The following PSMC1 variants were observed in gnomAD, a reference collection of about 807,000 sequenced individuals.
The protein encoded by PSMC1 is 26S proteasome regulatory subunit 4.
A neutral mutation model predicts 49.8 loss-of-function variants in PSMC1; 5 were observed. That is an observed-to-expected ratio of 0.10 (90% CI 0.05 to 0.21). The LOEUF is 0.21. Ranked by LOEUF, PSMC1 falls within the 10% of genes least tolerant of loss-of-function variation. PSMC1 has a pLI of 1.00. For missense variants in PSMC1, 181 were observed against 535.7 expected (o/e 0.34, Z 6.54); for synonymous variants, 155 against 192.1 (o/e 0.81, Z 1.60).
At position 90,273,199 on chromosome 14, in the gene PSMC1, C is replaced by T. The variant is rs998215554; in HGVS notation, c.*792C>T. On this transcript the variant is annotated 3_prime_UTR_variant, in exon 11 of 11. Transcript: ENST00000261303. Reference sequence around the variant, plus strand: ...CCTGGTGTGGGTTGTAGGGCCCACACTGAATGAGGAGTGTGTATTAGTTTT... The same window carrying T: ...CCTGGTGTGGGTTGTAGGGCCCACATTGAATGAGGAGTGTGTATTAGTTTT... 6.6e-6 allele frequency: 1 copy of T among 152,106 alleles called. No individual in the cohort carries two copies. Among genetic ancestry groups the T allele is most frequent in the Admixed American group, 6.5e-5 (1 of 15,274 alleles). The allele number at this position is 152,106 out of a possible 1,614,324, so 9.4% of individuals were successfully genotyped here.
chr14:90,269,072 C>T, intron 8 of PSMC1: 1 of 202,990 alleles, frequency 4.9e-6, no homozygotes, highest in Non-Finnish European at 9.9e-6. Context: ...ATAAGGAATA[C>T]ATGCTGTATA....
At chr14:90,270,521 G>A in intron 10 of PSMC1, 169 bp downstream of exon 10, 1 of 736,376 alleles carries the variant, frequency 1.4e-6, no homozygotes, top group Non-Finnish European at 2.0e-6. Context: ...TGATATTGAA[G>A]TCATTCTTAA....
At chr14:90,269,586 G>A (rs1891607568) in intron 9 of PSMC1, 38 bp downstream of exon 9, 1 of 1,596,174 alleles carries the variant, frequency 6.3e-7, no homozygotes, top group Non-Finnish European at 8.6e-7. Flanking sequence ...AGATTAATGT[G>A]TTTATATATT....
At chr14:90,261,900 C>A (rs1402828905) in intron 3 of PSMC1, among the ~76,000 whole-genome samples, 1 of 151,654 alleles carries the variant, frequency 6.6e-6, no homozygotes, top group African/African-American at 2.4e-5. Context: ...TTGGAACCAA[C>A]CCAAATGTCC....
chr14:90,261,850 C>T (rs1371648924), intron 3 of PSMC1, among the ~76,000 whole-genome samples: 1 of 149,578 alleles, frequency 6.7e-6, no homozygotes, highest in Non-Finnish European at 1.5e-5. Context: ...GACCCATGCA[C>T]ATGTATGTTT....
At chr14:90,260,339 A>G in intron 3 of PSMC1, 128 bp downstream of exon 3, 1 of 659,404 alleles carries the variant, frequency 1.5e-6, no homozygotes, top group Admixed American at 2.7e-5. Flanking sequence ...TTTGTGATTC[A>G]TTTCTACCTC....
chr14:90,266,265 CA>C (rs35743896), intron 7 of PSMC1, among the ~76,000 whole-genome samples: 11 of 148,038 alleles, frequency 7.4e-5, no homozygotes, highest in Middle Eastern at 3.4e-3. Flanking sequence ...AAAAAAAAAA[CA>C]AAAAAAACCC....
intron 10 of PSMC1, chr14:90,271,045 T>C (rs985829286): frequency 1.4e-4 from 14 of 100,180 alleles, no homozygotes; most frequent in African/African-American, 3.5e-4. Flanking sequence ...TTTTTAAAAA[T>C]TGAAAGATCT....
Position 90,273,777 on chromosome 14 carries a change from G to C in PSMC1, c.*1370G>C, listed in dbSNP as rs972012817. On this transcript the variant is annotated 3_prime_UTR_variant, in exon 11 of 11. Transcript: ENST00000261303. ...TGAGGTCAGCATTTCCTTGCTGGCT[G>C]CCAGCTGAGGCCTTTGCCAGTCTGT... 1 of 154,742 alleles carries C rather than the reference G, an allele frequency of 6.5e-6. No individual in the cohort carries two copies. Among genetic ancestry groups the C allele is most frequent in the Non-Finnish European group, 1.5e-5 (1 of 68,232 alleles). The allele number at this position is 154,742 out of a possible 1,614,324, so 9.6% of individuals were successfully genotyped here. A position where few individuals can be genotyped will look rare whatever the true frequency, so the allele number is the denominator to read the frequency against.
chr14:90,257,307 G>A (rs1157277011), intron 1 of PSMC1, among the ~76,000 whole-genome samples: 1 of 152,140 alleles, frequency 6.6e-6, no homozygotes, highest in African/African-American at 2.4e-5. Flanking sequence ...AGAGCAGAAG[G>A]CAGACAATCA....
rs972588426 is a variant in PSMC1 at position 90,272,544 on chromosome 14, C to T, written c.*137C>T. On this transcript the variant is annotated 3_prime_UTR_variant, in exon 11 of 11. Transcript: ENST00000261303. This position sits in a 1 kb window ranked among gnomAD's most constrained non-coding sequence, Gnocchi z 4.5. Reference sequence around the variant, plus strand: ...AAAACATCCTGTGTCTTTTGGAGTACGATGTGTAAGTGCCCATTGGGTGGC... The same window carrying T: ...AAAACATCCTGTGTCTTTTGGAGTATGATGTGTAAGTGCCCATTGGGTGGC... The T allele has an allele frequency of 3.5e-5, 21 of 606,236 alleles. No homozygotes were observed. The East Asian group carries it at 4.4e-4, about 13-fold the overall frequency. The allele number at this position is 606,236 out of a possible 1,614,324, so 37.6% of individuals were successfully genotyped here.
intron 3 of PSMC1, 83 bp downstream of exon 3, chr14:90,260,294 G>T: frequency 1.1e-6 from 1 of 947,618 alleles, no homozygotes; most frequent in Non-Finnish European, 1.6e-6. Context: ...TCTGAAAGGG[G>T]TAACAGGAAG....
At chr14:90,259,936 A>G (rs575667398) in intron 2 of PSMC1, among the ~76,000 whole-genome samples, 179 bp from the exon 3 acceptor site, 3 of 152,250 alleles carry the variant, frequency 2.0e-5, no homozygotes, top group East Asian at 3.9e-4. Context: ...TTTACTTATT[A>G]TAATCATATT....
At chr14:90,270,681 A>G (rs1224998032) in intron 10 of PSMC1, 18 of 203,646 alleles carry the variant, frequency 8.8e-5, no homozygotes, top group Non-Finnish European at 2.0e-5. Flanking sequence ...GTCCTGGGAG[A>G]ACTCTCCCCA....
chr14:90,265,673 A>C, intron 7 of PSMC1, among the ~76,000 whole-genome samples: 1 of 139,142 alleles, frequency 7.2e-6, no homozygotes, highest in South Asian at 2.3e-4. Context: ...TGGGTGACAG[A>C]GCGAGACTAC....
intron 1 of PSMC1, 41 bp from the exon 2 acceptor site, chr14:90,259,119 A>G (rs771074685): frequency 3.1e-6 from 5 of 1,598,380 alleles, no homozygotes; most frequent in Non-Finnish European, 4.3e-6. Context: ...TGAAGTGATC[A>G]TATTCTGAAT....
At chr14:90,261,102 C>T (rs116701705) in intron 3 of PSMC1, among the ~76,000 whole-genome samples, 1 of 152,150 alleles carries the variant, frequency 6.6e-6, no homozygotes, top group Admixed American at 6.5e-5. Flanking sequence ...CCCACCTCTC[C>T]GACCTCAGCC....
At position 90,257,688 on chromosome 14, in the gene PSMC1, G is replaced by A. The variant is rs139286566; in HGVS notation, c.3+1088G>A. Among the ~76,000 whole-genome samples, 620 of 152,182 alleles carry A rather than the reference G, an allele frequency of 4.1e-3. 10 individuals are homozygous for A. Among genetic ancestry groups the A allele is most frequent in the East Asian group, 0.03 (155 of 5,186 alleles). On this transcript the variant is annotated intron_variant, in intron 1 of 10. Transcript: ENST00000261303. ...CAGTGGCGCGATCTCCGCCTCCCGG[G>A]TTCAAGCGATTCTCCTGCCTTAGCC...
intron 2 of PSMC1, among the ~76,000 whole-genome samples, chr14:90,259,631 TG>T (rs1891358112): frequency 9.7e-6 from 1 of 102,582 alleles, no homozygotes; most frequent in Non-Finnish European, 2.3e-5. Flanking sequence ...TATTTTCATT[TG>T]TTATTATTAT....
Sources: gnomAD v4.1 joint callset for allele counts (sites outside exome capture counted in the v4.1 genomes callset) on GRCh38, gnomAD v4.1.1 for gene constraint, Gnocchi (gnomAD v3.1) non-coding constraint, MANE v1.5 for transcripts, NCBI Gene and HGNC (gene_info 2026-07-23, HGNC 2026-07-21) for gene names.